Variants in ARHGEF10L observed in about 807,000 individuals in gnomAD.
ARHGEF10L encodes the protein rho guanine nucleotide exchange factor 10-like protein.
Under a neutral mutation model 141.2 loss-of-function variants are expected in ARHGEF10L, and 69 were observed. The ratio of observed to expected loss-of-function variants is 0.49; its 90% CI spans 0.40 to 0.60. The LOEUF (loss-of-function observed/expected upper bound fraction) is 0.60. Ranked by LOEUF, ARHGEF10L falls within the 20% of genes least tolerant of loss-of-function variation. The pLI is 0.00. For synonymous variants in ARHGEF10L, 711 were observed against 718.5 expected (o/e 0.99, Z 0.17); for missense variants, 1,482 against 1,734.3 (o/e 0.85, Z 2.58).
chr1:17,616,020 G>A (rs998279523), intron 8 of ARHGEF10L, 74 bp from the exon 9 acceptor site: 3 of 1,286,426 alleles, frequency 2.3e-6, no homozygotes, highest in East Asian at 2.3e-5. Flanking sequence ...CCGAGGCCTG[G>A]GGAGGCGGGT....
intron 2 of ARHGEF10L, among the ~76,000 whole-genome samples, chr1:17,583,699 G>A (rs2078782621): frequency 6.6e-6 from 1 of 152,096 alleles, no homozygotes; most frequent in Non-Finnish European, 1.5e-5. Context: ...TATAAAGGGA[G>A]ACCCCCACCC....
At chr1:17,572,974 T>C (rs969185942) in intron 1 of ARHGEF10L, among the ~76,000 whole-genome samples, 4 of 151,890 alleles carry the variant, frequency 2.6e-5, no homozygotes, top group African/African-American at 7.3e-5. Flanking sequence ...GCCTGGGGAG[T>C]GGTAGACACC....
chr1:17,689,230 A>G (rs1246095774), intron 27 of ARHGEF10L, among the ~76,000 whole-genome samples: 2 of 151,972 alleles, frequency 1.3e-5, no homozygotes, highest in African/African-American at 4.8e-5. Context: ...AACACACAGT[A>G]TCAGACAAGT....
chr1:17,568,282 C>T (rs2077844864), intron 1 of ARHGEF10L, among the ~76,000 whole-genome samples: 1 of 152,214 alleles, frequency 6.6e-6, no homozygotes, highest in African/African-American at 2.4e-5. Flanking sequence ...GAAGCACTTT[C>T]TGAGAATTAT....
At chr1:17,648,739 G>A in intron 22 of ARHGEF10L, 64 bp downstream of exon 22, 2 of 1,580,222 alleles carry the variant, frequency 1.3e-6, no homozygotes, top group South Asian at 2.3e-5. Flanking sequence ...TCGCCTGGGA[G>A]AACCAGAGTT....
In ARHGEF10L at chr1:17,656,077, A is replaced by G. The variant is rs374154488; in HGVS notation, c.2680A>G (p.Ile894Val). Residue 894 changes from isoleucine (I) to valine (V), a missense_variant, in exon 24 of 29, where the codon ATC becomes GTC. This residue lies in a region of ARHGEF10L where 858 missense variants were observed against 966.3 expected (regional missense o/e 0.89). Transcript: ENST00000361221. This position sits in a 1 kb window ranked among gnomAD's most constrained non-coding sequence, Gnocchi z 4.9. ...CCCCTCGGCCACGGTGCATCCAACC[A>G]TCTGCCTCGGGCTCCAGGATGGCAG... is the stretch of plus-strand genomic sequence containing the variant. ...ADPSATVHPT[I>V]CLGLQDGSIL... The G allele has an allele frequency of 1.2e-4, 179 of 1,556,050 alleles. No homozygotes were observed. The highest frequency in any genetic ancestry group is 9.8e-4 in the Middle Eastern group (5 of 5,108).
upstream of ARHGEF10L, among the ~76,000 whole-genome samples, chr1:17,537,351 G>A (rs562188567): frequency 1.2e-4 from 19 of 152,314 alleles, no homozygotes; most frequent in Non-Finnish European, 2.8e-4. Flanking sequence ...ATTGATAAGG[G>A]TTCTAGGGTG....
intron 1 of ARHGEF10L, among the ~76,000 whole-genome samples, chr1:17,569,795 C>T (rs2077916969): frequency 6.6e-6 from 1 of 152,196 alleles, no homozygotes; most frequent in South Asian, 2.1e-4. Flanking sequence ...CGCGGAGGCT[C>T]GCGGATCCTG....
chr1:17,640,828 T>C (rs536916838), intron 21 of ARHGEF10L, among the ~76,000 whole-genome samples: 1 of 152,350 alleles, frequency 6.6e-6, no homozygotes, highest in South Asian at 2.1e-4. Context: ...GTTACTATGT[T>C]TTTCTTCCTG....
Position 17,654,655 on chromosome 1 carries a change from G to A in ARHGEF10L, c.2414G>A (p.Ser805Asn). Residue 805 changes from serine to asparagine, a missense_variant, in exon 23 of 29, where the codon AGT (serine) becomes AAT (asparagine). Ser to Asn is a conservative substitution (Grantham distance 46). This residue lies in a region of ARHGEF10L where 858 missense variants were observed against 966.3 expected (regional missense o/e 0.89). Coordinates refer to ENST00000361221, the MANE Select transcript of ARHGEF10L (RefSeq NM_018125.4). This position sits in a 1 kb window ranked among gnomAD's most constrained non-coding sequence, Gnocchi z 4.3. The stretch of plus-strand genomic sequence containing the variant: ...CTGCAGCTTGGGGCCCTGGTCCACA[G>A]TCCTGTCAACTGTCCCCTGCTGGGT... ...LSLQLGALVH[S>N]PVNCPLLGFS... 2 of 1,614,218 alleles carry A rather than the reference G, an allele frequency of 1.2e-6. No individual in the cohort carries two copies. The highest frequency in any genetic ancestry group is 1.7e-6 in the Non-Finnish European group (2 of 1,180,040).
In ARHGEF10L at chr1:17,686,579, T is replaced by C. The variant is rs546061263; in HGVS notation, c.3010-994T>C. 6.2e-4 allele frequency among the ~76,000 whole-genome samples: 94 copies of C among 151,968 alleles called. 2 individuals are homozygous for C. The South Asian group carries it at 9.1e-3, about 15-fold the overall frequency. ...ACTCTGAAGTGGAGTCTTCAGATGT[T>C]GGAGGAGGACAGTTCGGGGGGGCAG... On this transcript the variant is annotated intron_variant, in intron 26 of 28. Coordinates refer to ENST00000361221, the MANE Select transcript of ARHGEF10L (RefSeq NM_018125.4).
rs757123272 is a variant in ARHGEF10L, at chr1:17,625,952, C to T, written c.1318-4C>T. On this transcript the variant is annotated splice_region_variant and splice_polypyrimidine_tract_variant and intron_variant, in intron 13 of 28. Transcript: ENST00000361221. The surrounding 1 kb of genome is among the most constrained non-coding windows in gnomAD (Gnocchi z 4.5). ...AGCGAATGACGGAACCTTGTCTCCA[C>T]CAGCGACGGCAGGTGTGCAGCCCAG... 2.5e-6 allele frequency: 4 copies of T among 1,613,528 alleles called. No homozygotes were observed. Among genetic ancestry groups the T allele is most frequent in the Admixed American group, 3.3e-5 (2 of 59,970 alleles).
intron 1 of ARHGEF10L, among the ~76,000 whole-genome samples, chr1:17,550,001 G>T (rs933076023): frequency 2.6e-5 from 4 of 152,172 alleles, no homozygotes; most frequent in African/African-American, 7.2e-5. Flanking sequence ...CTTTGCAAAA[G>T]ATCCCATGTC....
intron 2 of ARHGEF10L, among the ~76,000 whole-genome samples, chr1:17,583,041 C>A (rs1158106531): frequency 7.0e-6 from 1 of 143,582 alleles, no homozygotes; most frequent in African/African-American, 2.7e-5. Context: ...AGAGTGGAAC[C>A]CTGTCTCTAC....
At chr1:17,628,851 T>C (rs571358366) in intron 15 of ARHGEF10L, among the ~76,000 whole-genome samples, 1 of 152,226 alleles carries the variant, frequency 6.6e-6, no homozygotes, top group South Asian at 2.1e-4. Context: ...CTAACCTGCA[T>C]CAGCATCTTT....
intron 16 of ARHGEF10L, among the ~76,000 whole-genome samples, chr1:17,633,286 G>A (rs542283353): frequency 2.0e-5 from 3 of 152,288 alleles, no homozygotes; most frequent in Admixed American, 1.3e-4. Context: ...TTCAGCTGTG[G>A]TTTTTCTAGC....
At chr1:17,552,331 G>A (rs1191164056) in intron 1 of ARHGEF10L, among the ~76,000 whole-genome samples, 1 of 152,166 alleles carries the variant, frequency 6.6e-6, no homozygotes, top group Non-Finnish European at 1.5e-5. Context: ...CAATAGGACT[G>A]AAGTAATAAC....
intron 26 of ARHGEF10L, among the ~76,000 whole-genome samples, chr1:17,668,356 G>T (rs920880280): frequency 6.6e-6 from 1 of 152,212 alleles, no homozygotes; most frequent in Non-Finnish European, 1.5e-5. Context: ...AGCATGGGAC[G>T]GATGGCCAAG....
intron 7 of ARHGEF10L, among the ~76,000 whole-genome samples, chr1:17,611,271 C>T (rs1570896995): frequency 6.6e-6 from 1 of 152,196 alleles, no homozygotes; most frequent in African/African-American, 2.4e-5. Flanking sequence ...GGTCAAACCC[C>T]AAACTCCTCA....
Sources: gnomAD v4.1 joint callset for allele counts (sites outside exome capture counted in the v4.1 genomes callset) on GRCh38, gnomAD v4.1.1 for gene constraint, gnomAD v4.1.1 regional missense constraint, Gnocchi (gnomAD v3.1) non-coding constraint, MANE v1.5 for transcripts, NCBI Gene and HGNC (gene_info 2026-07-23, HGNC 2026-07-21) for gene names.